MINDY1: variants seen among roughly 807,000 people sequenced by gnomAD.
MINDY1 encodes ubiquitin carboxyl-terminal hydrolase MINDY-1.
In MINDY1, 50 loss-of-function variants were observed where a neutral mutation model predicts 53.6. The ratio of observed to expected loss-of-function variants is 0.93; its 90% CI spans 0.74 to 1.18. The LOEUF (loss-of-function observed/expected upper bound fraction) is 1.18. Among genes scored for constraint, MINDY1 ranks in the 50% most tolerant of loss-of-function variants. The probability of loss-of-function intolerance (pLI) is 0.00; values close to 1 mark genes in which losing one functional copy is unlikely to be tolerated. For synonymous variants in MINDY1, 231 were observed against 234.7 expected (o/e 0.98, Z 0.14); for missense variants, 484 against 578.6 (o/e 0.84, Z 1.68).
chr1:150,997,516 T>C (rs2925740), intron 9 of MINDY1, 108 bp downstream of exon 9: 1,461,148 of 1,578,200 alleles, frequency 0.93, 678,920 homozygotes, highest in East Asian at 1. Context: ...GGGGAAGGAC[T>C]CTGAGAGAAG....
chr1:151,004,599 A>T (rs1019077791), intron 1 of MINDY1, among the ~76,000 whole-genome samples: 4 of 151,994 alleles, frequency 2.6e-5, no homozygotes, highest in Admixed American at 6.6e-5. Context: ...GTGTGTTGGC[A>T]CGTGCCTGTA....
chr1:150,997,666 T>A lies in MINDY1; in HGVS notation c.1287A>T (p.Ala429=), dbSNP rs779910860. The part of the protein sequence containing the change: ...LQQEEYQQQQ[A]AQPVRMRTRV... Reference sequence around the variant, plus strand: ...GCGTCCGCATCCGCACTGGCTGCGCTGCCTGCTGCTGTTGATACTCCTCTT... The same window carrying A: ...GCGTCCGCATCCGCACTGGCTGCGCAGCCTGCTGCTGTTGATACTCCTCTT... The change falls in exon 9 of 10, where the codon GCA becomes GCT. Residue 429 remains alanine (A), a synonymous_variant. Transcript: ENST00000683666. 1 of 1,612,804 alleles carries A rather than the reference T, an allele frequency of 6.2e-7. No individual in the cohort carries two copies. Among genetic ancestry groups the A allele is most frequent in the Admixed American group, 1.7e-5 (1 of 60,022 alleles).
At position 150,999,082 on chromosome 1, in the gene MINDY1, G is replaced by GCATGAGTGC. The variant is rs1672224088; in HGVS notation, c.981+278_981+286dup. 6.6e-6 allele frequency among the ~76,000 whole-genome samples: 1 copy of GCATGAGTGC among 152,118 alleles called. No individual in the cohort carries two copies. The highest frequency in any genetic ancestry group is 2.4e-5 in the African/African-American group (1 of 41,404). ...TGTCATTTCCAAACAGAAGCTCTAA[G>GCATGAGTGC]CATGAGTGCACAGTGCCCCTCTCTC... On this transcript the variant is annotated intron_variant, in intron 7 of 9. Transcript: ENST00000683666. This position sits in a 1 kb window ranked among gnomAD's most constrained non-coding sequence, Gnocchi z 4.4.
intron 1 of MINDY1, among the ~76,000 whole-genome samples, chr1:151,004,294 G>A (rs750465671): frequency 6.6e-6 from 1 of 152,168 alleles, no homozygotes; most frequent in South Asian, 2.1e-4. Flanking sequence ...GAGGCACATT[G>A]AGGCAAGCAC....
intron 1 of MINDY1, chr1:151,006,034 T>C: frequency 6.5e-7 from 1 of 1,537,088 alleles, no homozygotes; most frequent in Non-Finnish European, 8.8e-7. Context: ...CTTTGTGCAA[T>C]CAATAGTTTA....
At position 150,996,979 on chromosome 1, in the gene MINDY1, G is replaced by A. The variant is rs932039559; in HGVS notation, c.*308C>T. 5.3e-6 allele frequency: 2 copies of A among 377,242 alleles called. No homozygotes were observed. Among genetic ancestry groups the A allele is most frequent in the African/African-American group, 4.1e-5 (2 of 48,984 alleles). 23.4% of individuals were successfully genotyped at this position (377,242 alleles called of 1,614,324 possible). On this transcript the variant is annotated 3_prime_UTR_variant, in exon 10 of 10. Coordinates refer to ENST00000683666, the MANE Select transcript of MINDY1 (RefSeq NM_001376665.1). The stretch of plus-strand genomic sequence containing the variant: ...GGCAGCAGGGATGGGAAGCAGAAGA[G>A]ATGCATTCTGGATAGGGACCTCACC...
At position 150,999,976 on chromosome 1, in the gene MINDY1, G is replaced by A. The variant is rs1001671565; in HGVS notation, c.736-12C>T. ...ACAGCCTCAGGACTCTGCTTGGGTA[G>A]TGGGATGTGGGATACCAAAAAAATT... On this transcript the variant is annotated splice_polypyrimidine_tract_variant and intron_variant, in intron 5 of 9. Coordinates refer to ENST00000683666, the MANE Select transcript of MINDY1 (RefSeq NM_001376665.1). This position sits in a 1 kb window ranked among gnomAD's most constrained non-coding sequence, Gnocchi z 4.4. The A allele has an allele frequency of 6.3e-6, 10 of 1,585,234 alleles. No homozygotes were observed. In the African/African-American group the frequency reaches 1.4e-4, roughly 22 times the overall value.
At position 151,000,705 on chromosome 1, in the gene MINDY1, C is replaced by T. The variant is rs1672459925; in HGVS notation, c.577-90G>A. ...CAGAAATTAAAAATTAACCTTGCTG[C>T]TCTTCTTCCCTGATTCTCTTACAAG... is the stretch of plus-strand genomic sequence containing the variant. On this transcript the variant is annotated intron_variant, in intron 4 of 9. Transcript: ENST00000683666. 2.1e-6 allele frequency: 3 copies of T among 1,395,570 alleles called. No individual in the cohort carries two copies. The Admixed American group carries it at 7.0e-5, about 33-fold the overall frequency. 86.4% of individuals were successfully genotyped at this position (1,395,570 alleles called of 1,614,324 possible). A position where few individuals can be genotyped will look rare whatever the true frequency, so the allele number is the denominator to read the frequency against.
At chr1:151,000,726 A>C in intron 4 of MINDY1, 111 bp from the exon 5 acceptor site, 1 of 1,190,260 alleles carries the variant, frequency 8.4e-7, no homozygotes, top group Non-Finnish European at 1.2e-6. Flanking sequence ...TGATTCTCTT[A>C]CAAGCCACTC....
chr1:150,997,760 G>A lies in MINDY1; in HGVS notation c.1193C>T (p.Ser398Phe). ...QVDQDYLIAL[S>F]LQQQQPRGPL... is the part of the protein sequence containing the mutation. ...GCCTCGTGGCTGTTGCTGCTGCAGGGACAGAGCAATCAGGTAGTCCTGGGG... is the reference window on the plus strand; with the variant it reads ...GCCTCGTGGCTGTTGCTGCTGCAGGAACAGAGCAATCAGGTAGTCCTGGGG... Residue 398 changes from serine (S) to phenylalanine (F), a missense_variant, in exon 9 of 10, where the codon TCC (serine) becomes TTC (phenylalanine). Ser to Phe is a radical substitution (Grantham distance 155). Coordinates refer to ENST00000683666, the MANE Select transcript of MINDY1 (RefSeq NM_001376665.1). 6.2e-7 allele frequency: 1 copy of A among 1,613,518 alleles called. No individual in the cohort carries two copies. The highest frequency in any genetic ancestry group is 8.5e-7 in the Non-Finnish European group (1 of 1,179,784).
chr1:150,999,975 A>G lies in MINDY1; in HGVS notation c.736-11T>C. The G allele has an allele frequency of 6.2e-7, 1 of 1,605,916 alleles. No individual in the cohort carries two copies. The highest frequency in any genetic ancestry group is 8.5e-7 in the Non-Finnish European group (1 of 1,174,834). ...CACAGCCTCAGGACTCTGCTTGGGT[A>G]GTGGGATGTGGGATACCAAAAAAAT... On this transcript the variant is annotated splice_polypyrimidine_tract_variant and intron_variant, in intron 5 of 9. Transcript: ENST00000683666. This position sits in a 1 kb window ranked among gnomAD's most constrained non-coding sequence, Gnocchi z 4.4.
Position 150,999,280 on chromosome 1 carries a change from C to T in MINDY1, c.981+89G>A. The stretch of plus-strand genomic sequence containing the variant: ...TTTGAGGGGTCACTTGCTACCACGG[C>T]TTAATCTAGCTGATCCCAGCTGGAC... On this transcript the variant is annotated intron_variant, in intron 7 of 9. Coordinates refer to ENST00000683666, the MANE Select transcript of MINDY1 (RefSeq NM_001376665.1). This position sits in a 1 kb window ranked among gnomAD's most constrained non-coding sequence, Gnocchi z 4.4. The T allele has an allele frequency of 6.4e-7, 1 of 1,559,032 alleles. No individual in the cohort carries two copies. Among genetic ancestry groups the T allele is most frequent in the Non-Finnish European group, 8.7e-7 (1 of 1,143,968 alleles).
chr1:151,006,165 A>G (rs587764186), intron 1 of MINDY1, 147 bp downstream of exon 1: 196 of 1,551,642 alleles, frequency 1.3e-4, no homozygotes, highest in Non-Finnish European at 1.6e-4. Context: ...TCCCCTTTAC[A>G]TGTCTCTCCT....
At chr1:151,004,213 G>A (rs1241218429) in intron 1 of MINDY1, among the ~76,000 whole-genome samples, 10 of 151,748 alleles carry the variant, frequency 6.6e-5, no homozygotes, top group Non-Finnish European at 1.3e-4. Flanking sequence ...ATGAGCCACC[G>A]TGCCCAGTCC....
chr1:151,002,742 C>A lies in MINDY1; in HGVS notation c.-89-36G>T, dbSNP rs1419078810. On this transcript the variant is annotated intron_variant, in intron 1 of 9. Coordinates refer to ENST00000683666, the MANE Select transcript of MINDY1 (RefSeq NM_001376665.1). This position sits in a 1 kb window ranked among gnomAD's most constrained non-coding sequence, Gnocchi z 4.1. The stretch of plus-strand genomic sequence containing the variant: ...AGAAGGAAATCAGTGGGCTGGAAAG[C>A]AAACTAACCCAGAAAAGTCTTGGAA... 6.6e-7 allele frequency: 1 copy of A among 1,520,756 alleles called. No homozygotes were observed. Among genetic ancestry groups the A allele is most frequent in the Non-Finnish European group, 8.8e-7 (1 of 1,132,724 alleles). The allele number at this position is 1,520,756 out of a possible 1,614,324, so 94.2% of individuals were successfully genotyped here. A position where few individuals can be genotyped will look rare whatever the true frequency, so the allele number is the denominator to read the frequency against.
At position 150,999,872 on chromosome 1, in the gene MINDY1, G is replaced by A. The variant is rs974399071; in HGVS notation, c.828C>T (p.Leu276=). The A allele has an allele frequency of 7.4e-6, 12 of 1,613,520 alleles. No homozygotes were observed. The highest frequency in any genetic ancestry group is 1.3e-5 in the African/African-American group (1 of 74,862). The change falls in exon 6 of 10, where the codon CTC becomes CTT. Residue 276 remains leucine, a synonymous_variant. Coordinates refer to ENST00000683666, the MANE Select transcript of MINDY1 (RefSeq NM_001376665.1). The surrounding 1 kb of genome is among the most constrained non-coding windows in gnomAD (Gnocchi z 4.4). ...GGGGAGGAATGTCACCTTCTGTCACGAGGTTGGTGTCACTGGAGTGTTTGC... is the reference window on the plus strand; with the variant it reads ...GGGGAGGAATGTCACCTTCTGTCACAAGGTTGGTGTCACTGGAGTGTTTGC... ...ITCKHSSDTN[L]VTEGLIAEQF... is the part of the protein sequence containing the mutation.
chr1:151,002,587 G>C lies in MINDY1; in HGVS notation c.31C>G (p.Pro11Ala). 6.2e-7 allele frequency: 1 copy of C among 1,614,196 alleles called. No homozygotes were observed. The highest frequency in any genetic ancestry group is 8.5e-7 in the Non-Finnish European group (1 of 1,180,036). The change falls in exon 2 of 10, where the codon CCT (proline) becomes GCT (alanine). Residue 11 changes from proline to alanine, a missense_variant. By Grantham distance (27) the Pro-to-Ala change is conservative. Transcript: ENST00000683666. This position sits in a 1 kb window ranked among gnomAD's most constrained non-coding sequence, Gnocchi z 4.1. ...GCTTCTGCAGTCCCGGCCTTACCAG[G>C]GGCTGGATCCTCAGGCTGATGGTAT... MEYHQPEDPA[P>A]GKAGTAEAVI...
At position 150,997,282 on chromosome 1, in the gene MINDY1, C is replaced by T. The variant is rs1489986270; in HGVS notation, c.*5G>A. 1 of 1,583,088 alleles carries T rather than the reference C, an allele frequency of 6.3e-7. No individual in the cohort carries two copies. The highest frequency in any genetic ancestry group is 1.8e-5 in the Admixed American group (1 of 57,000). The stretch of plus-strand genomic sequence containing the variant: ...GGGGCAGGCCAGCCTGGCACTGGGG[C>T]AGAGCTACAGCAGAATGCAGTCTGA... On this transcript the variant is annotated 3_prime_UTR_variant, in exon 10 of 10. Transcript: ENST00000683666.
chr1:150,997,726 C>A lies in MINDY1; in HGVS notation c.1227G>T (p.Gly409=). ...LQQQQPRGPL[G]LTDLELAQQL... ...GCTGGGCCAGCTCCAAGTCGGTAAG[C>A]CCCAGCGGGCCTCGTGGCTGTTGCT... The change falls in exon 9 of 10, where the codon GGG becomes GGT. Residue 409 remains glycine (G), a synonymous_variant. Coordinates refer to ENST00000683666, the MANE Select transcript of MINDY1 (RefSeq NM_001376665.1). 1 of 1,613,934 alleles carries A rather than the reference C, an allele frequency of 6.2e-7. No homozygotes were observed. The highest frequency in any genetic ancestry group is 8.5e-7 in the Non-Finnish European group (1 of 1,180,016).
Sources: gnomAD v4.1 joint callset for allele counts (sites outside exome capture counted in the v4.1 genomes callset) on GRCh38, gnomAD v4.1.1 for gene constraint, Gnocchi (gnomAD v3.1) non-coding constraint, MANE v1.5 for transcripts, NCBI Gene and HGNC (gene_info 2026-07-23, HGNC 2026-07-21) for gene names.